SPAG16: variants seen among roughly 807,000 people sequenced by gnomAD.
SPAG16 encodes sperm associated antigen 16.
In SPAG16, 86 loss-of-function variants were observed where a neutral mutation model predicts 80.4. That is an observed-to-expected ratio of 1.07 (90% CI 0.90 to 1.28). SPAG16 has a LOEUF of 1.28. Among genes scored for constraint, SPAG16 ranks in the 50% most tolerant of loss-of-function variants. The probability of loss-of-function intolerance (pLI) is 0.00; values close to 1 mark genes in which losing one functional copy is unlikely to be tolerated. For missense variants in SPAG16, 870 were observed against 765.3 expected (o/e 1.14, Z -1.61); for synonymous variants, 294 against 265.9 (o/e 1.11, Z -1.03).
At chr2:214,184,116 A>G (rs1052350114) in intron 15 of SPAG16, among the ~76,000 whole-genome samples, 1 of 152,070 alleles carries the variant, frequency 6.6e-6, no homozygotes, top group Admixed American at 6.6e-5. Flanking sequence ...ACCATATATC[A>G]TATGAAATAA....
chr2:213,981,595 G>T (rs1320687926), intron 12 of SPAG16, among the ~76,000 whole-genome samples: 2 of 151,976 alleles, frequency 1.3e-5, no homozygotes, highest in Non-Finnish European at 2.9e-5. Context: ...TAATAGCAAT[G>T]GAAGAAAATG....
At chr2:213,535,248 A>C (rs141751288) in intron 10 of SPAG16, among the ~76,000 whole-genome samples, 71 of 152,258 alleles carry the variant, frequency 4.7e-4, no homozygotes, top group African/African-American at 1.5e-3. Context: ...GAGTACAAAA[A>C]CATCAATCAT....
At chr2:213,878,185 G>A (rs1438120095) in intron 11 of SPAG16, among the ~76,000 whole-genome samples, 2 of 151,704 alleles carry the variant, frequency 1.3e-5, no homozygotes, top group African/African-American at 2.4e-5. Flanking sequence ...TTTTCATTTG[G>A]GTAGATACCT....
chr2:213,469,754 C>G (rs1040988603), intron 9 of SPAG16, among the ~76,000 whole-genome samples: 2 of 151,940 alleles, frequency 1.3e-5, no homozygotes, highest in African/African-American at 4.8e-5. Context: ...GTATACTGTT[C>G]CTTACCTTTG....
intron 10 of SPAG16, among the ~76,000 whole-genome samples, chr2:213,578,939 G>T (rs935156824): frequency 6.6e-6 from 1 of 151,810 alleles, no homozygotes; most frequent in African/African-American, 2.4e-5. Flanking sequence ...GTAACTTCTT[G>T]TGTGTTTTAT....
intron 10 of SPAG16, among the ~76,000 whole-genome samples, chr2:213,671,302 A>C (rs1331345221): frequency 6.6e-6 from 1 of 152,186 alleles, no homozygotes; most frequent in Non-Finnish European, 1.5e-5. Flanking sequence ...CAGCCATTCT[A>C]AGGGTAGCAT....
intron 10 of SPAG16, among the ~76,000 whole-genome samples, chr2:213,752,862 A>G (rs1455210438): frequency 1.3e-5 from 2 of 152,182 alleles, no homozygotes; most frequent in Non-Finnish European, 2.9e-5. Context: ...CAGTATAGAG[A>G]GACTCCAGTT....
intron 9 of SPAG16, among the ~76,000 whole-genome samples, chr2:213,471,115 C>T (rs2073054359): frequency 6.6e-6 from 1 of 152,218 alleles, no homozygotes; most frequent in Admixed American, 6.5e-5. Context: ...GGCTGTACTG[C>T]TGCAGCTGTC....
At chr2:214,155,597 T>C (rs1269423918) in intron 15 of SPAG16, among the ~76,000 whole-genome samples, 3 of 152,104 alleles carry the variant, frequency 2.0e-5, no homozygotes, top group Non-Finnish European at 4.4e-5. Context: ...CTCAGCCTCC[T>C]GAGAAGCTAG....
Position 213,862,633 on chromosome 2 carries a change from G to GC in SPAG16, c.1214+5_1214+6insC, listed in dbSNP as rs1479399974. On this transcript the variant is annotated splice_donor_region_variant and intron_variant, in intron 11 of 15. Coordinates refer to ENST00000331683, the MANE Select transcript of SPAG16 (RefSeq NM_024532.5). The stretch of plus-strand genomic sequence containing the variant: ...AGACTGCTGCTTCCATCCCAGGTCA[G>GC]TGCACAGGACCCCTAGAAATAGCCT... 3.1e-6 allele frequency: 5 copies of GC among 1,613,924 alleles called. No homozygotes were observed. Among genetic ancestry groups the GC allele is most frequent in the Non-Finnish European group, 3.4e-6 (4 of 1,179,944 alleles).
chr2:214,065,379 C>T (rs556896945), intron 13 of SPAG16, among the ~76,000 whole-genome samples: 85 of 151,956 alleles, frequency 5.6e-4, no homozygotes, highest in African/African-American at 2.0e-3. Flanking sequence ...CTTAGAACAC[C>T]GACTGGAACA....
intron 9 of SPAG16, among the ~76,000 whole-genome samples, chr2:213,442,543 A>G (rs1158033075): frequency 6.6e-6 from 1 of 152,226 alleles, no homozygotes; most frequent in Non-Finnish European, 1.5e-5. Flanking sequence ...AGTAATTAAG[A>G]CAGTGTGGTA....
chr2:213,969,605 G>A (rs2044906234), intron 12 of SPAG16, among the ~76,000 whole-genome samples: 1 of 152,172 alleles, frequency 6.6e-6, no homozygotes, highest in Admixed American at 6.5e-5. Context: ...CTTGGAAGCA[G>A]ATACTAGGAC....
chr2:213,339,848 A>G (rs2064580716), intron 5 of SPAG16, among the ~76,000 whole-genome samples: 1 of 152,154 alleles, frequency 6.6e-6, no homozygotes, highest in African/African-American at 2.4e-5. Context: ...CAAGCCAAAA[A>G]GGTTCTCTTT....
chr2:213,518,816 A>G, intron 10 of SPAG16, among the ~76,000 whole-genome samples: 1 of 152,368 alleles, frequency 6.6e-6, no homozygotes, highest in African/African-American at 2.4e-5. Flanking sequence ...GACATAGAAT[A>G]GACATAGGTG....
intron 9 of SPAG16, among the ~76,000 whole-genome samples, chr2:213,390,641 AG>A (rs1412993018): frequency 1.1e-4 from 16 of 152,320 alleles, no homozygotes; most frequent in African/African-American, 3.8e-4. Flanking sequence ...GCAATTTAAA[AG>A]CCTACAGTAA....
rs558980533 is a variant in SPAG16 at position 213,836,382 on chromosome 2, A to G, written c.1071-26103A>G. On this transcript the variant is annotated intron_variant, in intron 10 of 15. Transcript: ENST00000331683. ...AATTTTTAGTTCTATTGTCTAAGAG[A>G]GGTATTGACAAATTTTCAATTAATA... Among the ~76,000 whole-genome samples, 128 of 152,162 alleles carry G rather than the reference A, an allele frequency of 8.4e-4. 1 individual carries two copies. The highest frequency in any genetic ancestry group is 1.6e-3 in the Non-Finnish European group (108 of 68,040).
At chr2:213,466,779 T>C (rs1431491419) in intron 9 of SPAG16, among the ~76,000 whole-genome samples, 2 of 152,282 alleles carry the variant, frequency 1.3e-5, no homozygotes, top group East Asian at 3.9e-4. Flanking sequence ...TGTAAAATTT[T>C]AACCTGAGGA....
At chr2:213,335,690 T>C (rs2064322795) in intron 5 of SPAG16, among the ~76,000 whole-genome samples, 1 of 152,200 alleles carries the variant, frequency 6.6e-6, no homozygotes, top group Admixed American at 6.5e-5. Context: ...AATGTTCGAA[T>C]CAATAATTTC....
Sources: allele counts gnomAD v4.1 joint callset (sites outside exome capture counted in the v4.1 genomes callset), GRCh38; gene constraint gnomAD v4.1.1; transcripts MANE v1.5; gene names NCBI Gene and HGNC (gene_info 2026-07-23, HGNC 2026-07-21).